Variants in SLCO1A2 observed in about 807,000 individuals in gnomAD.
The protein encoded by SLCO1A2 is OATP-1.
Under a neutral mutation model 69.0 loss-of-function variants are expected in SLCO1A2, and 67 were observed. That is an observed-to-expected ratio of 0.97 (90% CI 0.80 to 1.19). The LOEUF is 1.19. Ranked by LOEUF, SLCO1A2 falls within the 50% of genes most tolerant of loss-of-function variation. The pLI, the probability that SLCO1A2 is intolerant of heterozygous loss-of-function variation, is 0.00. For missense variants in SLCO1A2, 787 were observed against 793.7 expected (o/e 0.99, Z 0.10); for synonymous variants, 260 against 265.9 (o/e 0.98, Z 0.22).
At chr12:21,298,374 G>A (rs1934033497) in intron 8 of SLCO1A2, among the ~76,000 whole-genome samples, 1 of 152,126 alleles carries the variant, frequency 6.6e-6, no homozygotes, top group South Asian at 2.1e-4. Context: ...TCTAGTAAAT[G>A]TTCTTGGTCA....
At chr12:21,331,470 A>C (rs1010529783) in intron 2 of SLCO1A2, among the ~76,000 whole-genome samples, 2 of 152,280 alleles carry the variant, frequency 1.3e-5, no homozygotes, top group Non-Finnish European at 2.9e-5. Context: ...AATTTGGCCA[A>C]GTTGGGTACA....
At chr12:21,287,607 A>C (rs1946114872) in intron 12 of SLCO1A2, among the ~76,000 whole-genome samples, 1 of 139,754 alleles carries the variant, frequency 7.2e-6, no homozygotes, top group Non-Finnish European at 1.6e-5. Context: ...ACTTGGAACC[A>C]ACCCAAATGT....
At chr12:21,394,728 G>A (rs556918996) in intron 1 of SLCO1A2, among the ~76,000 whole-genome samples, 1 of 152,066 alleles carries the variant, frequency 6.6e-6, no homozygotes, top group Admixed American at 6.5e-5. Context: ...TGGTCCTGGG[G>A]AATAGTAAAT....
upstream of SLCO1A2, among the ~76,000 whole-genome samples, chr12:21,396,657 G>A (rs892378340): frequency 6.6e-6 from 1 of 152,186 alleles, no homozygotes; most frequent in African/African-American, 2.4e-5. Flanking sequence ...AAGCCCATCA[G>A]ACTAAAAGTG....
At chr12:21,312,511 G>T (rs1950348166) in intron 4 of SLCO1A2, among the ~76,000 whole-genome samples, 1 of 152,148 alleles carries the variant, frequency 6.6e-6, no homozygotes, top group Non-Finnish European at 1.5e-5. Flanking sequence ...GCTATTTGGT[G>T]CAAGTGGCTT....
intron 14 of SLCO1A2, among the ~76,000 whole-genome samples, chr12:21,273,769 C>T (rs1943306063): frequency 6.6e-6 from 1 of 152,052 alleles, no homozygotes; most frequent in Non-Finnish European, 1.5e-5. Context: ...GTCTGCTCTC[C>T]CCATACTTCT....
intron 12 of SLCO1A2, among the ~76,000 whole-genome samples, chr12:21,288,640 A>T (rs1268537549): frequency 1.3e-5 from 2 of 152,152 alleles, no homozygotes; most frequent in African/African-American, 2.4e-5. Flanking sequence ...ATTTACTCGT[A>T]CATTTTAAAA....
chr12:21,329,025 T>A (rs991397829), intron 2 of SLCO1A2, among the ~76,000 whole-genome samples: 1 of 152,174 alleles, frequency 6.6e-6, no homozygotes, highest in African/African-American at 2.4e-5. Flanking sequence ...GTAGCAATTA[T>A]CCAGTCAGTT....
Position 21,357,595 on chromosome 12 carries a change from G to A in SLCO1A2, c.-63+16804C>T, listed in dbSNP as rs1159200869. 2.6e-5 allele frequency among the ~76,000 whole-genome samples: 4 copies of A among 152,294 alleles called. No individual in the cohort carries two copies. The South Asian group carries it at 6.2e-4, about 24-fold the overall frequency. On this transcript the variant is annotated intron_variant, in intron 2 of 15. Transcript: ENST00000307378. ...AATCTCCAACTGGACTATATGTAAG[G>A]ATTTAGCGTCCAATAGATGCTCTAA...
intron 1 of SLCO1A2, among the ~76,000 whole-genome samples, chr12:21,377,292 A>G (rs926677320): frequency 6.6e-6 from 1 of 152,214 alleles, no homozygotes; most frequent in African/African-American, 2.4e-5. Flanking sequence ...TCACACTGCA[A>G]TAGAGTACCT....
At chr12:21,388,515 C>T (rs1940999526) in intron 1 of SLCO1A2, among the ~76,000 whole-genome samples, 1 of 152,082 alleles carries the variant, frequency 6.6e-6, no homozygotes, top group Non-Finnish European at 1.5e-5. Context: ...TGTAAGATGT[C>T]CTTTGCTCCT....
chr12:21,408,717 T>C (rs1171027491), intron 1 of SLCO1A2, among the ~76,000 whole-genome samples: 58 of 22,680 alleles, frequency 2.6e-3, no homozygotes, highest in African/African-American at 5.7e-3. Flanking sequence ...CGCATGCGTG[T>C]GTGTGTGTGT....
At chr12:21,348,575 C>T (rs181786177) in intron 2 of SLCO1A2, among the ~76,000 whole-genome samples, 5 of 152,242 alleles carry the variant, frequency 3.3e-5, no homozygotes, top group African/African-American at 1.2e-4. Flanking sequence ...ATGACTGGAT[C>T]TCATTCTTTT....
At chr12:21,321,435 CG>C (rs1565497802) in intron 2 of SLCO1A2, among the ~76,000 whole-genome samples, 1 of 152,158 alleles carries the variant, frequency 6.6e-6, no homozygotes, top group East Asian at 1.9e-4. Context: ...CTCTTTCACA[CG>C]CCACCTCCAC....
At chr12:21,340,138 G>A (rs1425228444) in intron 2 of SLCO1A2, among the ~76,000 whole-genome samples, 1 of 151,892 alleles carries the variant, frequency 6.6e-6, no homozygotes, top group Non-Finnish European at 1.5e-5. Context: ...TACATATGCA[G>A]GCATTGCAAT....
chr12:21,347,840 A>T (rs1953327532), intron 2 of SLCO1A2, among the ~76,000 whole-genome samples: 2 of 152,220 alleles, frequency 1.3e-5, no homozygotes. Flanking sequence ...ATAGAAACAG[A>T]TTTACAAAGA....
intron 6 of SLCO1A2, 143 bp downstream of exon 6, chr12:21,304,284 A>G (rs1949077298): frequency 1.6e-6 from 1 of 637,234 alleles, no homozygotes; most frequent in South Asian, 2.3e-5. Flanking sequence ...TCTCCATTCA[A>G]CAAACTTTTA....
chr12:21,380,893 C>A (rs955910044), intron 1 of SLCO1A2, among the ~76,000 whole-genome samples: 2 of 148,930 alleles, frequency 1.3e-5, no homozygotes, highest in Non-Finnish European at 3.0e-5. Context: ...ACTGCCCCAG[C>A]CCCCGACCAA....
chr12:21,366,774 T>C (rs77397980), intron 2 of SLCO1A2, among the ~76,000 whole-genome samples: 3,709 of 151,962 alleles, frequency 0.024, 62 homozygotes, highest in East Asian at 0.052. Context: ...ATTAAAAATA[T>C]GATTGTAGAA....
Sources: allele counts gnomAD v4.1 joint callset (sites outside exome capture counted in the v4.1 genomes callset), GRCh38; gene constraint gnomAD v4.1.1; transcripts MANE v1.5; gene names NCBI Gene and HGNC (gene_info 2026-07-23, HGNC 2026-07-21).